The following FSTL5 variants were observed in gnomAD, a reference collection of about 807,000 sequenced individuals.
FSTL5 encodes follistatin-related protein 5.
FSTL5 carries 62 observed loss-of-function variants against 89.1 expected under a neutral mutation model. The ratio of observed to expected loss-of-function variants is 0.70; its 90% confidence interval spans 0.57 to 0.86. The LOEUF (loss-of-function observed/expected upper bound fraction) is 0.86. Among genes scored for constraint, FSTL5 ranks in the 40% least tolerant of loss-of-function variants. The pLI is 0.00. For missense variants in FSTL5, 1,057 were observed against 1,001.6 expected, an observed-to-expected ratio of 1.06 and a Z score of -0.75; for synonymous variants, 383 against 346.2, an observed-to-expected ratio of 1.11 and a Z score of -1.18.
chr4:161,653,798 A>G (rs951725823), intron 7 of FSTL5, among the ~76,000 whole-genome samples: 15 of 152,126 alleles, frequency 9.9e-5, no homozygotes, highest in African/African-American at 3.6e-4. Context: ...TAGTACTTAA[A>G]CAAAAACACC....
intron 11 of FSTL5, among the ~76,000 whole-genome samples, chr4:161,504,348 T>G (rs1261221500): frequency 6.6e-6 from 1 of 151,986 alleles, no homozygotes; most frequent in Non-Finnish European, 1.5e-5. Flanking sequence ...GTAGTGGTGA[T>G]CATTACTTCT....
intron 7 of FSTL5, among the ~76,000 whole-genome samples, chr4:161,598,573 T>C (rs1372443852): frequency 1.3e-5 from 2 of 152,146 alleles, no homozygotes; most frequent in African/African-American, 4.8e-5. Context: ...AAGTGATGTA[T>C]TAAGATAAAG....
intron 4 of FSTL5, among the ~76,000 whole-genome samples, chr4:161,904,085 T>C (rs894100756): frequency 6.6e-6 from 1 of 152,102 alleles, no homozygotes; most frequent in African/African-American, 2.4e-5. Flanking sequence ...TATTTATTTT[T>C]TTCTATGGAC....
chr4:161,650,319 G>A (rs768954322), intron 7 of FSTL5, among the ~76,000 whole-genome samples: 9 of 152,068 alleles, frequency 5.9e-5, no homozygotes, highest in East Asian at 1.9e-4. Flanking sequence ...TGAGTTTCAC[G>A]TAAATAAAGT....
At chr4:162,162,489 C>T (rs1733734542) in intron 1 of FSTL5, among the ~76,000 whole-genome samples, 1 of 151,992 alleles carries the variant, frequency 6.6e-6, no homozygotes, top group Non-Finnish European at 1.5e-5. Context: ...TATACTTAAT[C>T]TAATGTTACT....
At chr4:161,666,593 A>AACAG (rs1560779052) in intron 6 of FSTL5, among the ~76,000 whole-genome samples, 2 of 152,128 alleles carry the variant, frequency 1.3e-5, no homozygotes, top group Non-Finnish European at 2.9e-5. Context: ...TAGCTGTTAT[A>AACAG]AAGCGATAAC....
intron 6 of FSTL5, among the ~76,000 whole-genome samples, chr4:161,676,483 T>G (rs937013000): frequency 3.3e-5 from 5 of 151,778 alleles, no homozygotes; most frequent in Non-Finnish European, 5.9e-5. Context: ...GAGGGGAACA[T>G]CACACACCGG....
At chr4:162,078,735 G>A (rs1729968806) in intron 2 of FSTL5, among the ~76,000 whole-genome samples, 1 of 151,660 alleles carries the variant, frequency 6.6e-6, no homozygotes, top group Admixed American at 6.6e-5. Flanking sequence ...ACACCTTTAA[G>A]CAATTGAAAG....
chr4:161,504,505 G>A (rs17399394), intron 11 of FSTL5, among the ~76,000 whole-genome samples: 29,762 of 151,130 alleles, frequency 0.2, 3,772 homozygotes, highest in Non-Finnish European at 0.28. Context: ...TCAAGCTCTG[G>A]TGAAGGCAGG....
intron 4 of FSTL5, among the ~76,000 whole-genome samples, chr4:161,776,932 G>A (rs9685656): frequency 0.21 from 31,781 of 151,424 alleles, 6,125 homozygotes; most frequent in African/African-American, 0.51. Context: ...GTTAACTACA[G>A]TTCCCCTGTT....
intron 4 of FSTL5, among the ~76,000 whole-genome samples, chr4:161,893,911 C>A (rs148629704): frequency 6.6e-6 from 1 of 152,036 alleles, no homozygotes; most frequent in Admixed American, 6.6e-5. Flanking sequence ...TTCAGACTGG[C>A]AGCCAAAACC....
At chr4:161,543,422 T>A (rs1158914388) in intron 8 of FSTL5, among the ~76,000 whole-genome samples, 1 of 151,938 alleles carries the variant, frequency 6.6e-6, no homozygotes, top group East Asian at 1.9e-4. Context: ...AAAGGTACAG[T>A]GTAATCCTTA....
rs1368403676 is a variant in FSTL5, at chr4:162,108,656, G to C, written c.126+2615C>G. Among the ~76,000 whole-genome samples, 6 of 151,652 alleles carry C rather than the reference G, an allele frequency of 4.0e-5. No individual in the cohort carries two copies. In the East Asian group the frequency reaches 1.2e-3, roughly 29 times the overall value. On this transcript the variant is annotated intron_variant, in intron 2 of 15. Transcript: ENST00000306100. ...CATATAGGTTAAAAATAATGAATAAGAGAAAATTAATTTGTATGATGCTAT... is the reference window on the plus strand; with the variant it reads ...CATATAGGTTAAAAATAATGAATAACAGAAAATTAATTTGTATGATGCTAT...
chr4:161,712,143 C>T (rs571516210), intron 6 of FSTL5, among the ~76,000 whole-genome samples: 1 of 152,192 alleles, frequency 6.6e-6, no homozygotes, highest in African/African-American at 2.4e-5. Flanking sequence ...ACTGTCAATG[C>T]ATAAGGCATT....
chr4:161,492,961 T>G (rs28530516), intron 12 of FSTL5, among the ~76,000 whole-genome samples: 17 of 152,004 alleles, frequency 1.1e-4, no homozygotes, highest in African/African-American at 4.1e-4. Flanking sequence ...TGTAGTATGT[T>G]GTCCTTCCCT....
chr4:161,962,144 ATT>A (rs1487271878), intron 3 of FSTL5, among the ~76,000 whole-genome samples: 4 of 151,996 alleles, frequency 2.6e-5, no homozygotes, highest in Admixed American at 2.6e-4. Context: ...CTAATAAAGT[ATT>A]AAGTATTTTT....
At position 161,665,313 on chromosome 4, in the gene FSTL5, C is replaced by T. The variant is rs150263988; in HGVS notation, c.728-8819G>A. 1.3e-3 allele frequency among the ~76,000 whole-genome samples: 193 copies of T among 152,292 alleles called. 1 individual carries two copies. Among genetic ancestry groups the T allele is most frequent in the African/African-American group, 4.5e-3 (185 of 41,556 alleles). ...CTGGAGTACAGTGGCACCATCTCAGCTCACTGCAAGCTCCGCCTCCCAGGT... is the reference window on the plus strand; with the variant it reads ...CTGGAGTACAGTGGCACCATCTCAGTTCACTGCAAGCTCCGCCTCCCAGGT... On this transcript the variant is annotated intron_variant, in intron 6 of 15. Coordinates refer to ENST00000306100, the MANE Select transcript of FSTL5 (RefSeq NM_020116.5).
intron 4 of FSTL5, among the ~76,000 whole-genome samples, chr4:161,799,924 T>C (rs1012442977): frequency 4.0e-5 from 6 of 151,678 alleles, no homozygotes; most frequent in African/African-American, 1.4e-4. Flanking sequence ...ATAATAGCAA[T>C]TCAAATATTG....
chr4:161,966,129 T>C (rs1016265568), intron 3 of FSTL5, among the ~76,000 whole-genome samples: 6 of 152,152 alleles, frequency 3.9e-5, no homozygotes, highest in African/African-American at 9.6e-5. Flanking sequence ...CACAGAGTTA[T>C]AGTAAGAAAA....
Sources: gnomAD v4.1 joint callset for allele counts (sites outside exome capture counted in the v4.1 genomes callset) on GRCh38, gnomAD v4.1.1 for gene constraint, MANE v1.5 for transcripts, NCBI Gene and HGNC (gene_info 2026-07-23, HGNC 2026-07-21) for gene names.